BMPR1B: variants seen among roughly 807,000 people sequenced by gnomAD.
BMPR1B encodes the protein bone morphogenetic protein receptor type-1B.
Under a neutral mutation model 59.1 loss-of-function variants are expected in BMPR1B, and 12 were observed. The observed-to-expected ratio is 0.20, with a 90% CI of 0.13 to 0.33. BMPR1B has a LOEUF of 0.33. Ranked by LOEUF, BMPR1B falls within the 10% of genes least tolerant of loss-of-function variation. BMPR1B has a pLI of 1.00. For missense variants in BMPR1B, 550 were observed against 610.9 expected (o/e 0.90, Z 1.05); for synonymous variants, 237 against 207.3 (o/e 1.14, Z -1.23).
chr4:95,135,035 T>C (rs1733666670), intron 10 of BMPR1B, among the ~76,000 whole-genome samples: 2 of 152,224 alleles, frequency 1.3e-5, no homozygotes, highest in African/African-American at 2.4e-5. Flanking sequence ...AATTAATTTT[T>C]GTATAAGGTG....
intron 2 of BMPR1B, among the ~76,000 whole-genome samples, chr4:94,896,518 G>C (rs1305420318): frequency 6.6e-6 from 1 of 151,798 alleles, no homozygotes; most frequent in African/African-American, 2.4e-5. Context: ...TTAATGCTGG[G>C]AACTTCTCAA....
intron 1 of BMPR1B, among the ~76,000 whole-genome samples, chr4:94,781,614 C>G (rs1471160275): frequency 6.6e-6 from 1 of 151,940 alleles, no homozygotes; most frequent in East Asian, 1.9e-4. Context: ...GTTTCACCAT[C>G]TTGGCCAGGC....
intron 1 of BMPR1B, among the ~76,000 whole-genome samples, chr4:94,812,716 G>A (rs1413167667): frequency 6.6e-6 from 1 of 152,158 alleles, no homozygotes; most frequent in African/African-American, 2.4e-5. Flanking sequence ...AGCACGGAAT[G>A]GACAGGAGAG....
intron 1 of BMPR1B, among the ~76,000 whole-genome samples, chr4:94,787,902 C>T (rs1173385984): frequency 6.6e-6 from 1 of 151,986 alleles, no homozygotes; most frequent in Non-Finnish European, 1.5e-5. Context: ...TTTCTAATAC[C>T]CAGAAGCATT....
chr4:94,803,570 T>C (rs1176729787), intron 1 of BMPR1B, among the ~76,000 whole-genome samples: 2 of 152,224 alleles, frequency 1.3e-5, no homozygotes, highest in Non-Finnish European at 2.9e-5. Flanking sequence ...CAGAATGCTC[T>C]TCTTCTTTCT....
chr4:94,790,110 C>T (rs561334455), intron 1 of BMPR1B, among the ~76,000 whole-genome samples: 1 of 152,202 alleles, frequency 6.6e-6, no homozygotes, highest in African/African-American at 2.4e-5. Context: ...AAGTATGTGT[C>T]AGTTGACTGT....
intron 2 of BMPR1B, among the ~76,000 whole-genome samples, chr4:94,961,561 T>G (rs1730354057): frequency 6.6e-6 from 1 of 152,224 alleles, no homozygotes; most frequent in Non-Finnish European, 1.5e-5. Context: ...CTTCCTTAAA[T>G]CATTTGAAAT....
At chr4:95,033,942 G>T (rs1266792297) in intron 3 of BMPR1B, among the ~76,000 whole-genome samples, 1 of 152,068 alleles carries the variant, frequency 6.6e-6, no homozygotes, top group Non-Finnish European at 1.5e-5. Flanking sequence ...TTCAGAAGAG[G>T]AAGCAATTAT....
At chr4:95,009,933 A>G (rs1168901941) in intron 3 of BMPR1B, among the ~76,000 whole-genome samples, 2 of 152,208 alleles carry the variant, frequency 1.3e-5, no homozygotes, top group East Asian at 3.9e-4. Flanking sequence ...TAGCCAAAAG[A>G]TGGCATAGTA....
intron 1 of BMPR1B, among the ~76,000 whole-genome samples, chr4:94,839,498 C>T (rs1724963016): frequency 6.8e-6 from 1 of 148,106 alleles, no homozygotes; most frequent in African/African-American, 2.5e-5. Flanking sequence ...TGAATTGATC[C>T]CTTTACCATT....
chr4:95,048,562 T>C (rs2149183549), intron 3 of BMPR1B, among the ~76,000 whole-genome samples: 2 of 152,320 alleles, frequency 1.3e-5, no homozygotes, highest in South Asian at 4.1e-4. Context: ...ATGTTGAACA[T>C]TCTTTTCATG....
At chr4:95,133,069 A>G (rs1024482520) in intron 10 of BMPR1B, among the ~76,000 whole-genome samples, 3 of 152,008 alleles carry the variant, frequency 2.0e-5, no homozygotes, top group Non-Finnish European at 2.9e-5. Flanking sequence ...TCCATTCTTA[A>G]TATTAGGTAT....
chr4:94,872,759 C>A (rs1376062712), intron 1 of BMPR1B, among the ~76,000 whole-genome samples: 3 of 152,124 alleles, frequency 2.0e-5, no homozygotes, highest in African/African-American at 7.2e-5. Flanking sequence ...AATATATCCC[C>A]ATGTAAATAT....
intron 1 of BMPR1B, among the ~76,000 whole-genome samples, chr4:94,837,432 G>T (rs75810060): frequency 3.6e-5 from 5 of 137,232 alleles, no homozygotes; most frequent in African/African-American, 1.4e-4. Flanking sequence ...CTCTTATTTC[G>T]TTGAGCAGTG....
intron 2 of BMPR1B, among the ~76,000 whole-genome samples, chr4:94,921,229 T>C (rs1455471368): frequency 6.6e-6 from 1 of 152,054 alleles, no homozygotes; most frequent in Non-Finnish European, 1.5e-5. Context: ...CAGAGTGCAC[T>C]GTTAGCTTGG....
intron 2 of BMPR1B, among the ~76,000 whole-genome samples, chr4:94,943,823 T>C (rs1318053645): frequency 6.6e-6 from 1 of 152,216 alleles, no homozygotes; most frequent in African/African-American, 2.4e-5. Flanking sequence ...AACATTCCAA[T>C]AATTTTAATA....
intron 2 of BMPR1B, among the ~76,000 whole-genome samples, chr4:94,876,369 T>G (rs773750886): frequency 6.6e-6 from 1 of 152,188 alleles, no homozygotes; most frequent in Non-Finnish European, 1.5e-5. Flanking sequence ...GTGAAACAGG[T>G]GGCGTGGACT....
At position 95,156,780 on chromosome 4, in the gene BMPR1B, G is replaced by A. The variant is rs1420996338; in HGVS notation, c.*2107G>A. 2 of 152,068 alleles carry A rather than the reference G, an allele frequency of 1.3e-5. No individual in the cohort carries two copies. Among genetic ancestry groups the A allele is most frequent in the Non-Finnish European group, 2.9e-5 (2 of 67,984 alleles). The allele number at this position is 152,068 out of a possible 1,614,324, so 9.4% of individuals were successfully genotyped here. ...AATAATGTAAAGGTTCCTTTCTCTTGTGTCAGTTATATTCTTAGGGATAGC... is the reference window on the plus strand; with the variant it reads ...AATAATGTAAAGGTTCCTTTCTCTTATGTCAGTTATATTCTTAGGGATAGC... On this transcript the variant is annotated 3_prime_UTR_variant, in exon 13 of 13. Coordinates refer to ENST00000515059, the MANE Select transcript of BMPR1B (RefSeq NM_001203.3).
chr4:94,774,561 A>G (rs905308292), intron 1 of BMPR1B, among the ~76,000 whole-genome samples: 9 of 152,068 alleles, frequency 5.9e-5, no homozygotes, highest in Non-Finnish European at 1.3e-4. Context: ...GTATAAGTTT[A>G]TTTATGAATT....
Sources: allele counts gnomAD v4.1 joint callset (sites outside exome capture counted in the v4.1 genomes callset), GRCh38; gene constraint gnomAD v4.1.1; transcripts MANE v1.5; gene names NCBI Gene and HGNC (gene_info 2026-07-23, HGNC 2026-07-21).